CEP350: variants seen among roughly 807,000 people sequenced by gnomAD.
CEP350 encodes centrosome-associated protein 350.
CEP350 carries 126 observed loss-of-function variants against 331.8 expected under a neutral mutation model. That is an observed-to-expected ratio of 0.38 (90% CI 0.33 to 0.44). CEP350 has a LOEUF of 0.44. Among genes scored for constraint, CEP350 ranks in the 20% least tolerant of loss-of-function variants. The pLI, the probability that CEP350 is intolerant of heterozygous loss-of-function variation, is 1.00. For synonymous variants in CEP350, 1,200 were observed against 1,259.5 expected (o/e 0.95, Z 1.00); for missense variants, 3,406 against 3,634.6 (o/e 0.94, Z 1.62).
At chr1:180,016,581 A>G (rs1654988539) in intron 11 of CEP350, among the ~76,000 whole-genome samples, 1 of 151,978 alleles carries the variant, frequency 6.6e-6, no homozygotes, top group South Asian at 2.1e-4. Context: ...AATAATAACC[A>G]TTTTGGAAAG....
intron 16 of CEP350, among the ~76,000 whole-genome samples, chr1:180,034,383 C>T (rs1656212732): frequency 6.6e-6 from 1 of 151,966 alleles, no homozygotes; most frequent in African/African-American, 2.4e-5. Context: ...CGCATGCACA[C>T]ACATAGAAGT....
chr1:180,069,454 T>TA (rs1019103110), intron 27 of CEP350, among the ~76,000 whole-genome samples: 8 of 152,192 alleles, frequency 5.3e-5, no homozygotes, highest in African/African-American at 1.9e-4. Flanking sequence ...TCTTAAATAA[T>TA]AATGTTAAAT....
At chr1:180,075,316 G>C (rs1659147152) in intron 28 of CEP350, 95 bp downstream of exon 28, 1 of 1,260,750 alleles carries the variant, frequency 7.9e-7, no homozygotes, top group Admixed American at 2.7e-5. Context: ...GCTGGGCGCA[G>C]TGGCTCACGC....
intron 12 of CEP350, 91 bp from the exon 13 acceptor site, chr1:180,022,607 G>A: frequency 1.9e-6 from 2 of 1,046,500 alleles, no homozygotes; most frequent in South Asian, 1.6e-5. Flanking sequence ...ATGTCCCTAA[G>A]CCCATATTGC....
At chr1:180,048,107 A>G (rs898227144) in intron 21 of CEP350, among the ~76,000 whole-genome samples, 1 of 152,240 alleles carries the variant, frequency 6.6e-6, no homozygotes, top group Non-Finnish European at 1.5e-5. Flanking sequence ...TAAATTATGT[A>G]TTGGATTTGG....
intron 27 of CEP350, among the ~76,000 whole-genome samples, chr1:180,069,228 A>C (rs548371715): frequency 6.6e-6 from 1 of 152,322 alleles, no homozygotes; most frequent in African/African-American, 2.4e-5. Flanking sequence ...TTGGCTTACA[A>C]AACTGTTAAA....
At position 180,065,212 on chromosome 1, in the gene CEP350, G is replaced by A. The variant is rs1658477211; in HGVS notation, c.5507G>A (p.Ser1836Asn). The stretch of plus-strand genomic sequence containing the variant: ...AGTCCTTCTCCCATTTCAATCTCCA[G>A]CAGTGAAACTAGCAGCATTATGCAG... The part of the protein sequence containing the change: ...TRSPSPISIS[S>N]SETSSIMQKL... Residue 1836 changes from serine (S) to asparagine (N), a missense_variant, in exon 27 of 38, where the codon AGC (serine) becomes AAC (asparagine). Transcript: ENST00000367607. 4 of 1,613,848 alleles carry A rather than the reference G, an allele frequency of 2.5e-6. No homozygotes were observed. The highest frequency in any genetic ancestry group is 3.4e-6 in the Non-Finnish European group (4 of 1,179,816).
intron 1 of CEP350, among the ~76,000 whole-genome samples, chr1:179,970,121 G>T: frequency 1.3e-5 from 2 of 152,242 alleles, no homozygotes; most frequent in Middle Eastern, 6.8e-3. Context: ...AAAAAACTAT[G>T]GGTGTCTTGT....
chr1:179,985,298 C>A (rs12135751), intron 1 of CEP350, among the ~76,000 whole-genome samples: 22,960 of 152,160 alleles, frequency 0.15, 1,893 homozygotes, highest in African/African-American at 0.2. Context: ...TAATGTCCTC[C>A]AGATTCTTTC....
chr1:180,014,908 C>T (rs752951661), intron 10 of CEP350, among the ~76,000 whole-genome samples: 1 of 152,160 alleles, frequency 6.6e-6, no homozygotes, highest in Non-Finnish European at 1.5e-5. Context: ...TGACTGGAAG[C>T]CTTATAACAT....
intron 11 of CEP350, 147 bp downstream of exon 11, chr1:180,016,117 C>T: frequency 1.2e-6 from 1 of 853,862 alleles, no homozygotes; most frequent in Non-Finnish European, 1.8e-6. Flanking sequence ...GAAATTTAGG[C>T]ATAGTGCACA....
intron 1 of CEP350, among the ~76,000 whole-genome samples, chr1:179,981,063 CAT>C (rs1652241867): frequency 6.6e-6 from 1 of 152,084 alleles, no homozygotes; most frequent in African/African-American, 2.4e-5. Flanking sequence ...TAGGGATAAA[CAT>C]AGTCATTTTT....
intron 6 of CEP350, among the ~76,000 whole-genome samples, chr1:180,002,371 G>A (rs1571848502): frequency 1.3e-5 from 2 of 152,142 alleles, no homozygotes; most frequent in South Asian, 4.1e-4. Context: ...CTGCTTGGGA[G>A]GCTGAGGCAG....
chr1:180,055,690 C>T (rs1483882943), intron 25 of CEP350, among the ~76,000 whole-genome samples: 1 of 151,368 alleles, frequency 6.6e-6, no homozygotes, highest in Non-Finnish European at 1.5e-5. Flanking sequence ...GGGACTACAG[C>T]CCCCACCACC....
intron 14 of CEP350, among the ~76,000 whole-genome samples, chr1:180,030,319 A>G (rs1655941761): frequency 6.9e-6 from 1 of 145,814 alleles, no homozygotes; most frequent in African/African-American, 2.5e-5. Flanking sequence ...ATATATGTAT[A>G]TATATACATA....
Position 180,041,656 on chromosome 1 carries a change from T to G in CEP350, c.4222-6T>G, listed in dbSNP as rs1202970356. The G allele has an allele frequency of 6.2e-7, 1 of 1,607,382 alleles. No individual in the cohort carries two copies. The highest frequency in any genetic ancestry group is 1.1e-5 in the South Asian group (1 of 89,578). ...AACTTCTTTTTTAAACCCCTTTTAT[T>G]TAAAGGTCCATGCAGAATCATTACA... On this transcript the variant is annotated splice_region_variant and splice_polypyrimidine_tract_variant and intron_variant, in intron 18 of 37. Transcript: ENST00000367607.
intron 27 of CEP350, among the ~76,000 whole-genome samples, chr1:180,073,424 A>G (rs2149054944): frequency 6.6e-6 from 1 of 152,330 alleles, no homozygotes; most frequent in Admixed American, 6.5e-5. Context: ...AGTTGCTGAT[A>G]TACTAGGTTC....
chr1:179,969,049 G>A, intron 1 of CEP350: 1 of 737,268 alleles, frequency 1.4e-6, no homozygotes, highest in East Asian at 2.5e-5. Flanking sequence ...AAGCATCTTA[G>A]GTTAACCTAC....
chr1:180,098,197 C>T (rs1450985855), intron 36 of CEP350, among the ~76,000 whole-genome samples: 5 of 151,750 alleles, frequency 3.3e-5, no homozygotes, highest in Admixed American at 6.6e-5. Flanking sequence ...CTCGAACTCC[C>T]GACCTCAGGT....
Sources: allele counts gnomAD v4.1 joint callset (sites outside exome capture counted in the v4.1 genomes callset), GRCh38; gene constraint gnomAD v4.1.1; transcripts MANE v1.5; gene names NCBI Gene and HGNC (gene_info 2026-07-23, HGNC 2026-07-21).